The following RBFOX1 variants were observed in gnomAD, a reference collection of about 807,000 sequenced individuals.
RBFOX1 encodes the protein RNA binding fox-1 homolog 1, also known as RNA binding protein fox-1 homolog 1.
RBFOX1 carries 8 observed loss-of-function variants against 57.7 expected under a neutral mutation model. That is an observed-to-expected ratio of 0.14 (90% CI 0.08 to 0.25). The LOEUF (loss-of-function observed/expected upper bound fraction) is 0.25. Among genes scored for constraint, RBFOX1 ranks in the 10% least tolerant of loss-of-function variants. The probability of loss-of-function intolerance (pLI) is 1.00; values close to 1 mark genes in which losing one functional copy is unlikely to be tolerated. For synonymous variants in RBFOX1, 326 were observed against 222.4 expected, an observed-to-expected ratio of 1.47 and a Z score of -4.15; for missense variants, 611 against 548.5, an observed-to-expected ratio of 1.11 and a Z score of -1.14.
chr16:5,353,462 T>C (rs889822975), intron 1 of RBFOX1, among the ~76,000 whole-genome samples: 14 of 152,034 alleles, frequency 9.2e-5, no homozygotes, highest in East Asian at 1.9e-4. Flanking sequence ...TGTTAGGACA[T>C]TGACATTTTT....
intron 2 of RBFOX1, among the ~76,000 whole-genome samples, chr16:5,554,330 A>T (rs971078581): frequency 1.3e-5 from 2 of 152,174 alleles, no homozygotes; most frequent in Admixed American, 6.5e-5. Context: ...AAATAATTAT[A>T]TGCGAAAGTT....
intron 3 of RBFOX1, among the ~76,000 whole-genome samples, chr16:6,819,024 C>T (rs2090728356): frequency 6.6e-6 from 1 of 152,146 alleles, no homozygotes; most frequent in South Asian, 2.1e-4. Context: ...AGGTAAGTAA[C>T]AGAGATGGAC....
chr16:7,128,963 G>C (rs545005734), intron 4 of RBFOX1, among the ~76,000 whole-genome samples: 2 of 151,904 alleles, frequency 1.3e-5, no homozygotes, highest in East Asian at 1.9e-4. Context: ...TGGGACTACA[G>C]GTGCATGACA....
intron 1 of RBFOX1, among the ~76,000 whole-genome samples, chr16:5,305,810 C>G (rs775483535): frequency 6.6e-6 from 1 of 152,136 alleles, no homozygotes; most frequent in Non-Finnish European, 1.5e-5. Flanking sequence ...ATCATCCCAG[C>G]AAGTCGGGAG....
At chr16:5,929,007 A>T (rs965495807) in intron 4 of RBFOX1, among the ~76,000 whole-genome samples, 14 of 151,020 alleles carry the variant, frequency 9.3e-5, no homozygotes, top group African/African-American at 2.4e-4. Context: ...GGCCACTTTC[A>T]AAGTGTTTAA....
At position 6,659,877 on chromosome 16, in the gene RBFOX1, G is replaced by A. The variant is rs116798453; in HGVS notation, c.-16+5227G>A. Among the ~76,000 whole-genome samples, 1,330 of 152,142 alleles carry A rather than the reference G, an allele frequency of 8.7e-3. 16 individuals are homozygous for A. Among genetic ancestry groups the A allele is most frequent in the African/African-American group, 0.029 (1,211 of 41,486 alleles). On this transcript the variant is annotated intron_variant, in intron 3 of 15. Transcript: ENST00000550418. ...ACCTCAGTTTCCAAAGACCTGATTC[G>A]GTTCCTAGGTTTGGCAATTTCAGCA...
chr16:7,655,287 G>A (rs2066023345), intron 12 of RBFOX1, among the ~76,000 whole-genome samples: 1 of 152,206 alleles, frequency 6.6e-6, no homozygotes. Flanking sequence ...AGGAAAAGTA[G>A]TAAGACAAAG....
intron 3 of RBFOX1, among the ~76,000 whole-genome samples, chr16:6,698,845 C>A (rs770031773): frequency 2.2e-4 from 34 of 152,102 alleles, no homozygotes; most frequent in African/African-American, 8.2e-4. Flanking sequence ...ATGTCCCCCA[C>A]CTTCTAGTTA....
chr16:7,509,836 C>A (rs1026214989), intron 4 of RBFOX1, among the ~76,000 whole-genome samples: 15 of 152,184 alleles, frequency 9.9e-5, no homozygotes, highest in African/African-American at 3.4e-4. Context: ...TAGTAGCAAG[C>A]TCCCTGCTGG....
chr16:7,033,199 C>G (rs957723117), intron 3 of RBFOX1, among the ~76,000 whole-genome samples: 1 of 152,076 alleles, frequency 6.6e-6, no homozygotes, highest in Admixed American at 6.6e-5. Flanking sequence ...TATAGGGAGA[C>G]CACCCGTGCC....
At chr16:7,352,711 C>A (rs925770984) in intron 4 of RBFOX1, among the ~76,000 whole-genome samples, 2 of 151,912 alleles carry the variant, frequency 1.3e-5, no homozygotes, top group Admixed American at 6.6e-5. Context: ...TATTAATGAG[C>A]AAATTATTAT....
chr16:6,297,352 G>A (rs143408558), intron 1 of RBFOX1, among the ~76,000 whole-genome samples: 80 of 152,160 alleles, frequency 5.3e-4, no homozygotes, highest in Middle Eastern at 3.4e-3. Flanking sequence ...TGGTTCACAC[G>A]CCTCTGACAC....
intron 1 of RBFOX1, among the ~76,000 whole-genome samples, chr16:6,271,795 G>C (rs1286834776): frequency 6.6e-6 from 1 of 152,024 alleles, no homozygotes; most frequent in East Asian, 1.9e-4. Context: ...AAAGAAATTG[G>C]GTTTTTAAGT....
chr16:5,770,257 A>G (rs1351992589), intron 3 of RBFOX1, among the ~76,000 whole-genome samples: 2 of 152,192 alleles, frequency 1.3e-5, no homozygotes, highest in African/African-American at 2.4e-5. Flanking sequence ...GCAATAATGA[A>G]ACTGGCCAAA....
chr16:6,588,411 G>A (rs1274732449), intron 2 of RBFOX1, among the ~76,000 whole-genome samples: 1 of 152,078 alleles, frequency 6.6e-6, no homozygotes, highest in Non-Finnish European at 1.5e-5. Flanking sequence ...CCAGCAATTT[G>A]GGAGGCCAAG....
chr16:5,669,401 A>G (rs2049946983), intron 3 of RBFOX1, among the ~76,000 whole-genome samples: 1 of 149,946 alleles, frequency 6.7e-6, no homozygotes, highest in Admixed American at 6.6e-5. Context: ...AGTCCTGCCA[A>G]AGAGAATGAG....
At chr16:6,597,864 C>A (rs1449351627) in intron 2 of RBFOX1, among the ~76,000 whole-genome samples, 1 of 152,172 alleles carries the variant, frequency 6.6e-6, no homozygotes, top group Non-Finnish European at 1.5e-5. Context: ...TTGGAGCTGC[C>A]ATGGCCATCT....
chr16:6,685,203 G>A (rs188565252), intron 3 of RBFOX1, among the ~76,000 whole-genome samples: 2 of 151,792 alleles, frequency 1.3e-5, no homozygotes, highest in Non-Finnish European at 2.9e-5. Flanking sequence ...ATAAAGACAG[G>A]AGGTGTTGTT....
At chr16:5,462,091 C>A (rs2068805820) in intron 1 of RBFOX1, among the ~76,000 whole-genome samples, 1 of 151,740 alleles carries the variant, frequency 6.6e-6, no homozygotes, top group Admixed American at 6.6e-5. Flanking sequence ...CTCTTTTCAA[C>A]AAAAGGTGGA....
Sources: gnomAD v4.1 joint callset for allele counts (sites outside exome capture counted in the v4.1 genomes callset) on GRCh38, gnomAD v4.1.1 for gene constraint, MANE v1.5 for transcripts, NCBI Gene and HGNC (gene_info 2026-07-23, HGNC 2026-07-21) for gene names.